DYNLRB1: variants seen among roughly 807,000 people sequenced by gnomAD.
The protein encoded by DYNLRB1 is dynein light chain roadblock-type 1.
A neutral mutation model predicts 13.5 loss-of-function variants in DYNLRB1; 6 were observed. That is an observed-to-expected ratio of 0.44 (90% CI 0.24 to 0.88). DYNLRB1 has a LOEUF of 0.88. Among genes scored for constraint, DYNLRB1 ranks in the 40% least tolerant of loss-of-function variants. DYNLRB1 has a pLI of 0.21. For synonymous variants in DYNLRB1, 43 were observed against 45.0 expected, an observed-to-expected ratio of 0.96 and a Z score of 0.18; for missense variants, 93 against 127.2, an observed-to-expected ratio of 0.73 and a Z score of 1.29.
At chr20:34,529,843 C>G (rs1198688673) in intron 2 of DYNLRB1, 9 of 1,511,712 alleles carry the variant, frequency 6.0e-6, no homozygotes, top group Non-Finnish European at 8.0e-6. Context: ...GTGGTCATTT[C>G]ATTTACAGGA....
rs1442269884 is a variant in DYNLRB1, at chr20:34,534,798, A to G, written c.247+3A>G. ...AAATGAAATTATGGTTGCACCAGGT[A>G]AGGGGTCTTCTACCTCCCCATGTAG... On this transcript the variant is annotated splice_donor_region_variant and intron_variant, in intron 3 of 3. Coordinates refer to ENST00000357156, the MANE Select transcript of DYNLRB1 (RefSeq NM_014183.4). 2 of 1,614,038 alleles carry G rather than the reference A, an allele frequency of 1.2e-6. No homozygotes were observed. Among genetic ancestry groups the G allele is most frequent in the Admixed American group, 1.7e-5 (1 of 60,022 alleles).
intron 2 of DYNLRB1, chr20:34,526,573 G>A (rs1252647993): frequency 1.9e-6 from 1 of 516,424 alleles, no homozygotes; most frequent in South Asian, 2.4e-5. Context: ...AACTGGTTGT[G>A]AGCAATTAGT....
At chr20:34,536,387 T>G (rs1981142877) in intron 3 of DYNLRB1, 1 of 985,218 alleles carries the variant, frequency 1.0e-6, no homozygotes, top group Non-Finnish European at 1.2e-6. Context: ...GGAATCAGAT[T>G]TAAACTGCAG....
In DYNLRB1 at chr20:34,528,311, CAAAAAAAAAAAAAAA is replaced by C. The variant is rs59104612; in HGVS notation, c.79+1987_79+2001del. 5.8e-4 allele frequency among the ~76,000 whole-genome samples: 3 copies of C among 5,204 alleles called. 1 individual carries two copies. Among genetic ancestry groups the C allele is most frequent in the Non-Finnish European group, 8.8e-4 (3 of 3,406 alleles). 3.4% of individuals were successfully genotyped at this position (5,204 alleles called of 152,430 possible). A position where few individuals can be genotyped will look rare whatever the true frequency, so the allele number is the denominator to read the frequency against. ...TGGGCGACAGAGCGAGACTCCGTCTCAAAAAAAAAAAAAAAAAAAAAAAAAAAAAAAAACTACCCT... is the reference window on the plus strand; with the variant it reads ...TGGGCGACAGAGCGAGACTCCGTCTCAAAAAAAAAAAAAAAAAACTACCCT... On this transcript the variant is annotated intron_variant, in intron 2 of 3. Coordinates refer to ENST00000357156, the MANE Select transcript of DYNLRB1 (RefSeq NM_014183.4).
chr20:34,516,557 C>A (rs1303382200), intron 1 of DYNLRB1, 96 bp downstream of exon 1: 73 of 1,576,878 alleles, frequency 4.6e-5, no homozygotes, highest in Non-Finnish European at 6.0e-5. Flanking sequence ...GAGCTCCGGA[C>A]AGGGAATCGG....
intron 2 of DYNLRB1, chr20:34,529,829 C>T (rs1013438879): frequency 5.4e-6 from 8 of 1,490,938 alleles, no homozygotes; most frequent in Non-Finnish European, 7.1e-6. Flanking sequence ...TCTGATTAAA[C>T]CATGTGGTCA....
At chr20:34,522,507 CTG>C (rs1318173798) in intron 1 of DYNLRB1, among the ~76,000 whole-genome samples, 1 of 81,196 alleles carries the variant, frequency 1.2e-5, no homozygotes, top group East Asian at 4.0e-4. Flanking sequence ...GTCTTACACT[CTG>C]TTTTCCAGGC....
intron 1 of DYNLRB1, among the ~76,000 whole-genome samples, chr20:34,518,682 G>A (rs1353902278): frequency 1.3e-5 from 2 of 150,536 alleles, no homozygotes; most frequent in Admixed American, 1.3e-4. Flanking sequence ...TTGAACTCCT[G>A]GGCTCAAGTG....
intron 3 of DYNLRB1, among the ~76,000 whole-genome samples, chr20:34,537,257 G>A (rs1016645878): frequency 4.6e-5 from 7 of 152,230 alleles, no homozygotes; most frequent in Non-Finnish European, 8.8e-5. Context: ...GGACGGTGGC[G>A]CGCTGAGCTT....
chr20:34,522,420 G>C (rs188698681), intron 1 of DYNLRB1, among the ~76,000 whole-genome samples: 260 of 149,514 alleles, frequency 1.7e-3, no homozygotes, highest in African/African-American at 6.2e-3. Context: ...TGATAGATGT[G>C]TGAGATGTGT....
At chr20:34,534,403 G>C (rs542411649) in intron 2 of DYNLRB1, among the ~76,000 whole-genome samples, 11 of 152,314 alleles carry the variant, frequency 7.2e-5, no homozygotes, top group African/African-American at 2.6e-4. Context: ...AGCTCCTGTT[G>C]CCTCATGGGC....
intron 2 of DYNLRB1, among the ~76,000 whole-genome samples, chr20:34,528,984 A>T (rs981473545): frequency 1.4e-5 from 2 of 141,138 alleles, no homozygotes; most frequent in Non-Finnish European, 3.1e-5. Flanking sequence ...TTGTCTCTTT[A>T]AAAAAAAAAA....
At chr20:34,519,782 T>G (rs1349533891) in intron 1 of DYNLRB1, among the ~76,000 whole-genome samples, 2 of 152,220 alleles carry the variant, frequency 1.3e-5, no homozygotes, top group Admixed American at 6.5e-5. Flanking sequence ...GTGGCACTTT[T>G]GGCTTGCATA....
chr20:34,521,678 TTGGGGAAC>T (rs1476585142), intron 1 of DYNLRB1, among the ~76,000 whole-genome samples: 6 of 152,282 alleles, frequency 3.9e-5, no homozygotes, highest in Non-Finnish European at 8.8e-5. Flanking sequence ...AACTAGAGAA[TTGGGGAAC>T]CTTGTCTCCA....
At chr20:34,538,262 C>T (rs551382769) in intron 3 of DYNLRB1, among the ~76,000 whole-genome samples, 42 of 151,616 alleles carry the variant, frequency 2.8e-4, no homozygotes, top group Non-Finnish European at 5.6e-4. Context: ...GCCACCATGC[C>T]CGGCCAAGAC....
At chr20:34,516,388 C>G (rs957726065), upstream of DYNLRB1, 86 of 1,596,684 alleles carry the variant, frequency 5.4e-5, 1 homozygote, top group South Asian at 9.1e-4. Flanking sequence ...TGACAGAAAC[C>G]TTTGCGCAGG....
At chr20:34,529,933 A>G in intron 2 of DYNLRB1, 1 of 1,459,466 alleles carries the variant, frequency 6.9e-7, no homozygotes, top group African/African-American at 1.4e-5. Context: ...GGGTGGCCTG[A>G]GGCAACTCCT....
chr20:34,525,298 C>T (rs1568599563), intron 1 of DYNLRB1, among the ~76,000 whole-genome samples: 2 of 152,048 alleles, frequency 1.3e-5, no homozygotes, highest in Non-Finnish European at 2.9e-5. Context: ...AACAGGTATA[C>T]CTCAGGGCTA....
chr20:34,526,817 A>G (rs1308937131), intron 2 of DYNLRB1, among the ~76,000 whole-genome samples: 2 of 152,198 alleles, frequency 1.3e-5, no homozygotes, highest in African/African-American at 4.8e-5. Flanking sequence ...GACAATGTTC[A>G]TTAGCCCAAT....
Sources: gnomAD v4.1 joint callset for allele counts (sites outside exome capture counted in the v4.1 genomes callset) on GRCh38, gnomAD v4.1.1 for gene constraint, MANE v1.5 for transcripts, NCBI Gene and HGNC (gene_info 2026-07-23, HGNC 2026-07-21) for gene names.